PACRG: variants seen among roughly 807,000 people sequenced by gnomAD.
PACRG encodes the protein parkin coregulated gene protein.
A neutral mutation model predicts 29.7 loss-of-function variants in PACRG; 29 were observed. That is an observed-to-expected ratio of 0.98 (90% CI 0.73 to 1.33). The LOEUF (loss-of-function observed/expected upper bound fraction) is 1.33. Among genes scored for constraint, PACRG ranks in the 40% most tolerant of loss-of-function variants. The probability of loss-of-function intolerance (pLI) is 0.00; values close to 1 mark genes in which losing one functional copy is unlikely to be tolerated. For synonymous variants in PACRG, 116 were observed against 118.7 expected (o/e 0.98, Z 0.15); for missense variants, 279 against 316.2 (o/e 0.88, Z 0.89).
chr6:163,285,955 C>T (rs1784389530), intron 4 of PACRG, among the ~76,000 whole-genome samples: 2 of 152,166 alleles, frequency 1.3e-5, no homozygotes, highest in Admixed American at 1.3e-4. Flanking sequence ...GGCTCCTTGT[C>T]TTGAACTTGG....
chr6:162,944,251 A>T (rs995748600), intron 2 of PACRG, among the ~76,000 whole-genome samples: 1 of 152,200 alleles, frequency 6.6e-6, no homozygotes, highest in Non-Finnish European at 1.5e-5. Context: ...AAACTATACT[A>T]CTGCATATAT....
intron 2 of PACRG, among the ~76,000 whole-genome samples, chr6:163,025,492 G>A (rs1405807554): frequency 2.0e-5 from 3 of 152,146 alleles, no homozygotes; most frequent in Non-Finnish European, 4.4e-5. Context: ...TCCAGTCACC[G>A]TGAAGAAAAT....
intron 2 of PACRG, among the ~76,000 whole-genome samples, chr6:162,934,957 C>T (rs1798126846): frequency 6.6e-6 from 1 of 152,136 alleles, no homozygotes; most frequent in Admixed American, 6.5e-5. Flanking sequence ...CTGGGTATAA[C>T]ATTCTTGGCT....
At chr6:162,751,391 T>C (rs991014790) in intron 1 of PACRG, among the ~76,000 whole-genome samples, 1 of 152,172 alleles carries the variant, frequency 6.6e-6, no homozygotes, top group Admixed American at 6.5e-5. Context: ...GTCACTCACA[T>C]ATTGGTGTCT....
At chr6:163,300,932 C>A (rs201788963) in intron 4 of PACRG, among the ~76,000 whole-genome samples, 3,808 of 93,554 alleles carry the variant, frequency 0.041, 20 homozygotes, top group East Asian at 0.12. Flanking sequence ...GGGCCACATC[C>A]ACTGCTTCCC....
At chr6:162,886,944 G>A (rs1794388734) in intron 2 of PACRG, among the ~76,000 whole-genome samples, 1 of 152,186 alleles carries the variant, frequency 6.6e-6, no homozygotes, top group Non-Finnish European at 1.5e-5. Flanking sequence ...GTCTCACCCT[G>A]TTGCCCAGGC....
intron 1 of PACRG, among the ~76,000 whole-genome samples, chr6:162,786,069 G>T (rs1206550993): frequency 6.6e-6 from 1 of 152,236 alleles, no homozygotes; most frequent in Non-Finnish European, 1.5e-5. Context: ...AGTGTTTGTT[G>T]TGGTTACCTT....
At chr6:163,122,229 T>C (rs1816313048) in intron 4 of PACRG, among the ~76,000 whole-genome samples, 1 of 150,120 alleles carries the variant, frequency 6.7e-6, no homozygotes, top group African/African-American at 2.5e-5. Context: ...CTTCTTTGAC[T>C]TGATAGATTT....
At chr6:163,140,483 A>C (rs973214002) in intron 4 of PACRG, among the ~76,000 whole-genome samples, 1 of 152,204 alleles carries the variant, frequency 6.6e-6, no homozygotes, top group Admixed American at 6.5e-5. Flanking sequence ...TCTGCTGCCA[A>C]TGCCATCTGC....
intron 4 of PACRG, among the ~76,000 whole-genome samples, chr6:163,156,058 C>T (rs1347810944): frequency 1.3e-5 from 2 of 152,212 alleles, no homozygotes; most frequent in Non-Finnish European, 2.9e-5. Flanking sequence ...CCTGAGGAAG[C>T]CCTCGCCGCC....
chr6:163,169,520 G>A lies in PACRG; in HGVS notation c.613+80112G>A, dbSNP rs1269086346. 2.6e-5 allele frequency among the ~76,000 whole-genome samples: 4 copies of A among 152,362 alleles called. No individual in the cohort carries two copies. In the East Asian group the frequency reaches 7.7e-4, roughly 29 times the overall value. On this transcript the variant is annotated intron_variant, in intron 4 of 4. Coordinates refer to ENST00000366888, the MANE Select transcript of PACRG (RefSeq NM_001080379.2). ...GGAGCTGGACGTGTGGTACTGACCA[G>A]GGATGGGGGAATTGTTGTTGCGGGT...
chr6:162,771,970 C>A (rs535002998), intron 1 of PACRG, among the ~76,000 whole-genome samples: 1 of 152,088 alleles, frequency 6.6e-6, no homozygotes, highest in East Asian at 1.9e-4. Context: ...TCTGGGGGAC[C>A]AGGAGAAGGG....
In PACRG at chr6:163,177,710, A is replaced by ATTTTTTTTTTTTTTTTTTTTTTT. The variant is rs398003265; in HGVS notation, c.613+88307_613+88329dup. On this transcript the variant is annotated intron_variant, in intron 4 of 4. Transcript: ENST00000366888. ...TGTTAGCTAAGAAATTAGAAAAGGG[A>ATTTTTTTTTTTTTTTTTTTTTTT]TTTTTTTTTTTTTTTTTTTTTTTTT... is the stretch of plus-strand genomic sequence containing the variant. 5.6e-4 allele frequency among the ~76,000 whole-genome samples: 30 copies of ATTTTTTTTTTTTTTTTTTTTTTT among 53,744 alleles called. 6 individuals carry two copies. Among genetic ancestry groups the ATTTTTTTTTTTTTTTTTTTTTTT allele is most frequent in the South Asian group, 1.2e-3 (1 of 834 alleles). 35.3% of individuals were successfully genotyped at this position (53,744 alleles called of 152,430 possible).
intron 2 of PACRG, among the ~76,000 whole-genome samples, chr6:162,990,518 T>G (rs1228646269): frequency 7.3e-6 from 1 of 136,734 alleles, no homozygotes; most frequent in Admixed American, 7.2e-5. Flanking sequence ...ATGTGTTTTT[T>G]GGCTGCATAA....
chr6:162,795,057 G>A (rs1389206913), intron 1 of PACRG, among the ~76,000 whole-genome samples: 3 of 152,112 alleles, frequency 2.0e-5, no homozygotes, highest in East Asian at 1.9e-4. Flanking sequence ...AAGGGAGACC[G>A]AGACACTTAA....
chr6:162,966,666 C>T (rs939281586), intron 2 of PACRG, among the ~76,000 whole-genome samples: 12 of 151,994 alleles, frequency 7.9e-5, no homozygotes, highest in African/African-American at 2.9e-4. Flanking sequence ...TTAGTAGAGA[C>T]GAGGTTTCAC....
chr6:162,952,560 C>A (rs1354561890), intron 2 of PACRG, among the ~76,000 whole-genome samples: 1 of 152,166 alleles, frequency 6.6e-6, no homozygotes, highest in East Asian at 1.9e-4. Flanking sequence ...CTCTTGTGAG[C>A]AGCAGTCCAG....
At chr6:162,894,477 T>C (rs941147984) in intron 2 of PACRG, among the ~76,000 whole-genome samples, 1 of 152,086 alleles carries the variant, frequency 6.6e-6, no homozygotes, top group African/African-American at 2.4e-5. Flanking sequence ...TAACACAAAA[T>C]TGGGAAAGAG....
At chr6:162,751,021 T>C (rs1180614019) in intron 1 of PACRG, among the ~76,000 whole-genome samples, 1 of 152,172 alleles carries the variant, frequency 6.6e-6, no homozygotes, top group Non-Finnish European at 1.5e-5. Context: ...TTTACCTTCG[T>C]TTACAAATGC....
Sources: gnomAD v4.1 joint callset for allele counts (sites outside exome capture counted in the v4.1 genomes callset) on GRCh38, gnomAD v4.1.1 for gene constraint, MANE v1.5 for transcripts, NCBI Gene and HGNC (gene_info 2026-07-23, HGNC 2026-07-21) for gene names.